EVC: variants seen among roughly 807,000 people sequenced by gnomAD.
The protein encoded by EVC is EvC ciliary complex subunit 1, also known as evC complex member EVC.
In EVC, 116 loss-of-function variants were observed where a neutral mutation model predicts 118.9. That is an observed-to-expected ratio of 0.98 (90% confidence interval 0.84 to 1.14). The LOEUF is 1.14. Among genes scored for constraint, EVC ranks in the 50% most tolerant of loss-of-function variants. The probability of loss-of-function intolerance (pLI) is 0.00; values close to 1 mark genes in which losing one functional copy is unlikely to be tolerated. For missense variants in EVC, 1,401 were observed against 1,246.4 expected (o/e 1.12, Z -1.87); for synonymous variants, 619 against 534.7 (o/e 1.16, Z -2.18).
intron 8 of EVC, among the ~76,000 whole-genome samples, chr4:5,748,733 CATCA>C (rs1729858512): frequency 9.7e-6 from 1 of 102,576 alleles, no homozygotes; most frequent in South Asian, 3.1e-4. Context: ...CCCATCCACC[CATCA>C]ATCCACCCAT....
In EVC at chr4:5,812,301, A is replaced by C. The variant is rs1717049709; in HGVS notation, c.*1264A>C. The C allele has an allele frequency of 1.3e-5, 2 of 159,098 alleles. No individual in the cohort carries two copies. Among genetic ancestry groups the C allele is most frequent in the South Asian group, 3.2e-4 (2 of 6,196 alleles). The allele number at this position is 159,098 out of a possible 1,614,324, so 9.9% of individuals were successfully genotyped here. A position where few individuals can be genotyped will look rare whatever the true frequency, so the allele number is the denominator to read the frequency against. ...GGAGAGGCCTTTCCCACCGGGAGAG[A>C]AACTTCCAGACCAGCCCTCTCACTA... On this transcript the variant is annotated 3_prime_UTR_variant, in exon 21 of 21. Coordinates refer to ENST00000264956, the MANE Select transcript of EVC (RefSeq NM_153717.3).
intron 2 of EVC, among the ~76,000 whole-genome samples, chr4:5,723,005 T>TC (rs1348809788): frequency 1.3e-5 from 2 of 152,120 alleles, no homozygotes; most frequent in African/African-American, 4.8e-5. Flanking sequence ...GCATCCTTCA[T>TC]CCCCTGGCAG....
downstream of EVC, among the ~76,000 whole-genome samples, chr4:5,814,664 C>T (rs906957471): frequency 2.0e-5 from 3 of 152,186 alleles, no homozygotes; most frequent in Admixed American, 6.5e-5. Flanking sequence ...CTTCACTCTG[C>T]ACCTGGTCCC....
intron 5 of EVC, among the ~76,000 whole-genome samples, chr4:5,740,231 G>A (rs1348129016): frequency 6.6e-6 from 1 of 152,122 alleles, no homozygotes; most frequent in Non-Finnish European, 1.5e-5. Flanking sequence ...AGCACTTTGG[G>A]AGGCTGAGGT....
rs190101390 is a variant in EVC, at chr4:5,748,988, G to A, written c.1098+682G>A. Among the ~76,000 whole-genome samples, 318 of 152,122 alleles carry A rather than the reference G, an allele frequency of 2.1e-3. 2 individuals are homozygous for A. The highest frequency in any genetic ancestry group is 7.2e-3 in the African/African-American group (299 of 41,498). On this transcript the variant is annotated intron_variant, in intron 8 of 20. Transcript: ENST00000264956. Reference sequence around the variant, plus strand: ...ATCAGATTGGGGTGCAACCTGGCTGGGCATTGGGGTTTTTAGAGCTCCCCA... The same window carrying A: ...ATCAGATTGGGGTGCAACCTGGCTGAGCATTGGGGTTTTTAGAGCTCCCCA...
intron 5 of EVC, 112 bp downstream of exon 5, chr4:5,733,547 CAG>C (rs1577368905): frequency 1.0e-6 from 1 of 959,254 alleles, no homozygotes; most frequent in East Asian, 2.5e-5. Context: ...TCAGTGGAAA[CAG>C]AGCCGCTGTG....
At chr4:5,817,224 G>T (rs116231698), downstream of EVC, among the ~76,000 whole-genome samples, 3,316 of 152,344 alleles carry the variant, frequency 0.022, 49 homozygotes, top group Non-Finnish European at 0.034. Context: ...TGGCCTGGAT[G>T]GGGGAGGGCA....
rs373862588 is a variant in EVC, at chr4:5,809,626, C to A, written c.2782+15C>A. ...TGGGCTGCTAGGTGAGTCACAGATG[C>A]TTGAGTTGCAGCGGGAAGCACTCTG... is the stretch of plus-strand genomic sequence containing the variant. On this transcript the variant is annotated intron_variant, in intron 19 of 20. Coordinates refer to ENST00000264956, the MANE Select transcript of EVC (RefSeq NM_153717.3). 6.2e-7 allele frequency: 1 copy of A among 1,612,004 alleles called. No individual in the cohort carries two copies. The highest frequency in any genetic ancestry group is 1.7e-5 in the Admixed American group (1 of 60,000).
At position 5,743,349 on chromosome 4, in the gene EVC, C is replaced by T. The variant is rs1449869718; in HGVS notation, c.801+1535C>T. Among the ~76,000 whole-genome samples, 2 of 152,194 alleles carry T rather than the reference C, an allele frequency of 1.3e-5. No individual in the cohort carries two copies. Among genetic ancestry groups the T allele is most frequent in the African/African-American group, 4.8e-5 (2 of 41,454 alleles). ...TCACCATCATTGTCATCATTATTCT[C>T]GTTACTACTATCACCAGCCTCTTAT... On this transcript the variant is annotated intron_variant, in intron 6 of 20. Coordinates refer to ENST00000264956, the MANE Select transcript of EVC (RefSeq NM_153717.3). The surrounding 1 kb of genome is among the most constrained non-coding windows in gnomAD (Gnocchi z 4.7).
At chr4:5,796,874 T>G (rs1714057338) in intron 13 of EVC, 148 bp from the exon 14 acceptor site, 1 of 725,114 alleles carries the variant, frequency 1.4e-6, no homozygotes, top group African/African-American at 1.7e-5. Context: ...GGAGCACCCA[T>G]GCCTAAGAGG....
At chr4:5,767,899 T>C (rs972078485) in intron 11 of EVC, among the ~76,000 whole-genome samples, 17 of 152,312 alleles carry the variant, frequency 1.1e-4, no homozygotes, top group South Asian at 4.1e-4. Context: ...ACCGGAGCTG[T>C]TCCTATTCGG....
chr4:5,751,633 G>A (rs1478438526), intron 8 of EVC, among the ~76,000 whole-genome samples: 11 of 152,184 alleles, frequency 7.2e-5, no homozygotes, highest in East Asian at 3.9e-4. Flanking sequence ...GGACGTGGGC[G>A]ACTCAGGCCT....
At chr4:5,758,097 A>G (rs537688241) in intron 11 of EVC, 9 of 702,382 alleles carry the variant, frequency 1.3e-5, no homozygotes, top group Non-Finnish European at 2.1e-5. Context: ...ATGAGAAGAC[A>G]TAGAGACACA....
At chr4:5,747,330 G>A (rs1729516940) in intron 7 of EVC, among the ~76,000 whole-genome samples, 1 of 152,142 alleles carries the variant, frequency 6.6e-6, no homozygotes, top group Non-Finnish European at 1.5e-5. Context: ...GCCTCTCAGA[G>A]GCTGAGCCAA....
chr4:5,798,552 A>C lies in EVC; in HGVS notation c.2098-34A>C. The C allele has an allele frequency of 6.5e-7, 1 of 1,544,856 alleles. No homozygotes were observed. Among genetic ancestry groups the C allele is most frequent in the Non-Finnish European group, 8.7e-7 (1 of 1,142,926 alleles). On this transcript the variant is annotated intron_variant, in intron 14 of 20. Coordinates refer to ENST00000264956, the MANE Select transcript of EVC (RefSeq NM_153717.3). This position sits in a 1 kb window ranked among gnomAD's most constrained non-coding sequence, Gnocchi z 4.1. ...GCCAGAGCTTCTCTGTGAGAGGAGC[A>C]CTTGGCCCCTGCTCCCAGTCCTTTC...
intron 19 of EVC, 45 bp from the exon 20 acceptor site, chr4:5,810,294 G>C: frequency 6.6e-7 from 1 of 1,508,520 alleles, no homozygotes; most frequent in Non-Finnish European, 9.2e-7. Context: ...GTTGTCACTT[G>C]TCTAAAGTCA....
At chr4:5,777,584 G>A (rs1030038212) in intron 11 of EVC, among the ~76,000 whole-genome samples, 2 of 152,168 alleles carry the variant, frequency 1.3e-5, no homozygotes, top group East Asian at 3.8e-4. Flanking sequence ...AATCTTGTTA[G>A]ATCTTTGCAA....
intron 1 of EVC, among the ~76,000 whole-genome samples, chr4:5,712,602 G>C (rs1030785986): frequency 6.6e-6 from 1 of 152,188 alleles, no homozygotes; most frequent in African/African-American, 2.4e-5. Context: ...CCCCATTTCT[G>C]GCCCGTGGGA....
Position 5,722,880 on chromosome 4 carries a change from A to T in EVC, c.300+3507A>T, listed in dbSNP as rs117278857. ...TATTGCTTCAGCTGGGGAGACTCTC[A>T]GAATTTGGAGGACACCTGACCTTAA... is the stretch of plus-strand genomic sequence containing the variant. On this transcript the variant is annotated intron_variant, in intron 2 of 20. Coordinates refer to ENST00000264956, the MANE Select transcript of EVC (RefSeq NM_153717.3). 5.9e-5 allele frequency among the ~76,000 whole-genome samples: 9 copies of T among 152,360 alleles called. No individual in the cohort carries two copies. The East Asian group carries it at 1.5e-3, about 26-fold the overall frequency.
Sources: gnomAD v4.1 joint callset for allele counts (sites outside exome capture counted in the v4.1 genomes callset) on GRCh38, gnomAD v4.1.1 for gene constraint, Gnocchi (gnomAD v3.1) non-coding constraint, MANE v1.5 for transcripts, NCBI Gene and HGNC (gene_info 2026-07-23, HGNC 2026-07-21) for gene names.